TYW1B: variants seen among roughly 807,000 people sequenced by gnomAD.
TYW1B encodes S-adenosyl-L-methionine-dependent tRNA 4-demethylwyosine synthase TYW1B.
Under a neutral mutation model 86.9 loss-of-function variants are expected in TYW1B, and 73 were observed. The ratio of observed to expected loss-of-function variants is 0.84; its 90% confidence interval spans 0.70 to 1.02. The LOEUF is 1.02. TYW1B is among the 50% of genes least tolerant of loss of function. TYW1B has a pLI of 0.00. For missense variants in TYW1B, 637 were observed against 827.4 expected, an observed-to-expected ratio of 0.77 and a Z score of 2.82; for synonymous variants, 248 against 292.8, an observed-to-expected ratio of 0.85 and a Z score of 1.56.
intron 11 of TYW1B, among the ~76,000 whole-genome samples, chr7:72,688,693 G>A (rs1190795267): frequency 6.6e-6 from 1 of 152,150 alleles, no homozygotes; most frequent in Non-Finnish European, 1.5e-5. Flanking sequence ...CGTTGCTAAA[G>A]AGATGACTTT....
intron 8 of TYW1B, among the ~76,000 whole-genome samples, chr7:72,733,355 T>C (rs375139804): frequency 6.6e-6 from 1 of 152,076 alleles, no homozygotes; most frequent in African/African-American, 2.4e-5. Context: ...ATATCCCCGA[T>C]GAACAAAGGT....
intron 11 of TYW1B, among the ~76,000 whole-genome samples, chr7:72,677,539 CA>C (rs1813763329): frequency 2.0e-5 from 3 of 152,084 alleles, no homozygotes; most frequent in Admixed American, 2.0e-4. Context: ...AGTTTTTATA[CA>C]GTTGAGGGAG....
chr7:72,741,343 G>C (rs1426884365), intron 8 of TYW1B, among the ~76,000 whole-genome samples: 4 of 152,130 alleles, frequency 2.6e-5, no homozygotes, highest in African/African-American at 9.7e-5. Context: ...GACTTCACTA[G>C]AGGGTTTCAA....
chr7:72,668,867 A>G (rs1401737253), intron 11 of TYW1B, among the ~76,000 whole-genome samples: 1 of 152,144 alleles, frequency 6.6e-6, no homozygotes, highest in African/African-American at 2.4e-5. Context: ...TGTCAATGTC[A>G]GCATCTCTCC....
rs1447539060 is a variant in TYW1B, at chr7:72,822,738, G to T, written c.135+4117C>A. On this transcript the variant is annotated intron_variant, in intron 2 of 13. Coordinates refer to ENST00000620995, the MANE Select transcript of TYW1B (RefSeq NM_001145440.3). ...CCAATATTGAGATGGGCTGGGCATG[G>T]TGATTCATGCCTCTAACCCTAGACA... Among the ~76,000 whole-genome samples, 3 of 152,192 alleles carry T rather than the reference G, an allele frequency of 2.0e-5. No homozygotes were observed. In the East Asian group the frequency reaches 5.8e-4, roughly 29 times the overall value.
At chr7:72,760,767 G>A (rs1371641785) in intron 7 of TYW1B, among the ~76,000 whole-genome samples, 2 of 152,080 alleles carry the variant, frequency 1.3e-5, no homozygotes, top group Admixed American at 1.3e-4. Context: ...TAGGTTTACT[G>A]CTCAGACAGT....
At chr7:72,673,133 C>T (rs1435090186) in intron 11 of TYW1B, among the ~76,000 whole-genome samples, 5 of 152,176 alleles carry the variant, frequency 3.3e-5, no homozygotes, top group Non-Finnish European at 5.9e-5. Context: ...GGCCACTGCA[C>T]TCCAGCCTGG....
At chr7:72,786,563 AT>A (rs1230169184) in intron 6 of TYW1B, among the ~76,000 whole-genome samples, 1 of 145,812 alleles carries the variant, frequency 6.9e-6, no homozygotes, top group Non-Finnish European at 1.5e-5. Context: ...AAGTTTTTAA[AT>A]TCTTTTTTCT....
At chr7:72,741,026 G>A (rs558518840) in intron 8 of TYW1B, among the ~76,000 whole-genome samples, 24 of 152,120 alleles carry the variant, frequency 1.6e-4, no homozygotes, top group African/African-American at 5.5e-4. Context: ...CACCATGCCA[G>A]GCCAAAATAT....
At chr7:72,728,743 C>T in intron 9 of TYW1B, 79 bp downstream of exon 9, 1 of 1,409,082 alleles carries the variant, frequency 7.1e-7, no homozygotes, top group Non-Finnish European at 9.6e-7. Context: ...AAAATCCTAC[C>T]AAAGAGGCAA....
At position 72,819,818 on chromosome 7, in the gene TYW1B, A is replaced by C. The variant is rs1181295734; in HGVS notation, c.136-4337T>G. On this transcript the variant is annotated intron_variant, in intron 2 of 13. Coordinates refer to ENST00000620995, the MANE Select transcript of TYW1B (RefSeq NM_001145440.3). ...ATGGCCATCCCCAAGACACAAAATC[A>C]TCAGATTCTCCAAAGTCGAAATGAA... Among the ~76,000 whole-genome samples, 3 of 152,172 alleles carry C rather than the reference A, an allele frequency of 2.0e-5. 1 individual carries two copies. The highest frequency in any genetic ancestry group is 7.2e-5 in the African/African-American group (3 of 41,454).
At chr7:72,703,041 T>TGAGATGGAGTC (rs1554452984) in intron 10 of TYW1B, among the ~76,000 whole-genome samples, 2 of 141,666 alleles carry the variant, frequency 1.4e-5, no homozygotes, top group Admixed American at 7.3e-5. Context: ...TTTTTTTTTT[T>TGAGATGGAGTC]TGAGATGGAG....
At chr7:72,606,320 C>A (rs1563027428) in intron 13 of TYW1B, among the ~76,000 whole-genome samples, 1 of 152,132 alleles carries the variant, frequency 6.6e-6, no homozygotes, top group African/African-American at 2.4e-5. Flanking sequence ...GGGCCTCATT[C>A]CCATCCGGTC....
At chr7:72,605,201 T>C (rs1554434575) in intron 13 of TYW1B, among the ~76,000 whole-genome samples, 2 of 152,142 alleles carry the variant, frequency 1.3e-5, no homozygotes. Context: ...CAGGTATGAA[T>C]AGGGTGATAC....
At chr7:72,699,349 T>C (rs1211287338) in intron 10 of TYW1B, among the ~76,000 whole-genome samples, 3 of 152,180 alleles carry the variant, frequency 2.0e-5, no homozygotes, top group African/African-American at 7.2e-5. Flanking sequence ...CCAGGTCTCA[T>C]GTCCTGCCAG....
chr7:72,767,748 A>G (rs1554468801), intron 7 of TYW1B, among the ~76,000 whole-genome samples: 1 of 152,192 alleles, frequency 6.6e-6, no homozygotes, highest in African/African-American at 2.4e-5. Context: ...GCATATTCAC[A>G]TTGCAGTGCT....
intron 6 of TYW1B, among the ~76,000 whole-genome samples, chr7:72,793,336 C>CA (rs1164223001): frequency 1.2e-4 from 18 of 145,982 alleles, no homozygotes; most frequent in African/African-American, 3.0e-4. Context: ...GACTCCATCT[C>CA]AAAAAAAAAT....
rs1383033326 is a variant in TYW1B at position 72,604,745 on chromosome 7, T to C, written c.1785+11927A>G. 5.3e-5 allele frequency among the ~76,000 whole-genome samples: 8 copies of C among 152,212 alleles called. No homozygotes were observed. The South Asian group carries it at 1.4e-3, about 28-fold the overall frequency. On this transcript the variant is annotated intron_variant, in intron 13 of 13. Transcript: ENST00000620995. ...CCCACAAACAGCTGACTGTACCACC[T>C]TGTGCCAGCCACCCCCTCCAAAGCA... is the stretch of plus-strand genomic sequence containing the variant.
chr7:72,614,859 A>G (rs1312862992), intron 13 of TYW1B, among the ~76,000 whole-genome samples: 2 of 152,214 alleles, frequency 1.3e-5, no homozygotes, highest in Non-Finnish European at 2.9e-5. Flanking sequence ...AAAGTGTTTC[A>G]TAACAATGGC....
Sources: gnomAD v4.1 joint callset for allele counts (sites outside exome capture counted in the v4.1 genomes callset) on GRCh38, gnomAD v4.1.1 for gene constraint, MANE v1.5 for transcripts, NCBI Gene and HGNC (gene_info 2026-07-23, HGNC 2026-07-21) for gene names.